CLSTN2: variants seen among roughly 807,000 people sequenced by gnomAD.
CLSTN2 encodes the protein calsyntenin-2.
In CLSTN2, 48 loss-of-function variants were observed where a neutral mutation model predicts 101.2. That is an observed-to-expected ratio of 0.47 (90% confidence interval 0.38 to 0.60). The LOEUF is 0.60. Ranked by LOEUF, CLSTN2 falls within the 20% of genes least tolerant of loss-of-function variation. The pLI is 0.00. For synonymous variants in CLSTN2, 481 were observed against 463.6 expected (o/e 1.04, Z -0.48); for missense variants, 1,160 against 1,238.2 (o/e 0.94, Z 0.95).
chr3:140,448,383 C>T, intron 5 of CLSTN2, 136 bp from the exon 6 acceptor site: 1 of 734,892 alleles, frequency 1.4e-6, no homozygotes, highest in East Asian at 2.7e-5. Context: ...TGCCATTATT[C>T]TCAAACTGTT....
intron 1 of CLSTN2, among the ~76,000 whole-genome samples, chr3:140,088,302 G>A (rs1018196191): frequency 4.6e-5 from 7 of 152,178 alleles, no homozygotes; most frequent in African/African-American, 1.7e-4. Context: ...GATTTGTTCT[G>A]ATAATGGCCA....
chr3:140,576,367 C>CG lies in CLSTN2; in HGVS notation c.*10115dup, dbSNP rs1443288670. 1 of 152,202 alleles carries CG rather than the reference C, an allele frequency of 6.6e-6. No individual in the cohort carries two copies. Among genetic ancestry groups the CG allele is most frequent in the African/African-American group, 2.4e-5 (1 of 41,450 alleles). 9.4% of individuals were successfully genotyped at this position (152,202 alleles called of 1,614,324 possible). A position where few individuals can be genotyped will look rare whatever the true frequency, so the allele number is the denominator to read the frequency against. On this transcript the variant is annotated 3_prime_UTR_variant, in exon 17 of 17. Transcript: ENST00000458420. ...CTTGTCTCTACTATTGTCTCTACACCGTTGCCCAAACACTTGGTATAATGC... is the reference window on the plus strand; with the variant it reads ...CTTGTCTCTACTATTGTCTCTACACCGGTTGCCCAAACACTTGGTATAATGC...
intron 1 of CLSTN2, among the ~76,000 whole-genome samples, chr3:140,009,729 G>A (rs764260128): frequency 2.6e-5 from 4 of 152,148 alleles, no homozygotes; most frequent in Non-Finnish European, 5.9e-5. Context: ...AAAAGTTCTT[G>A]TAAATATTTC....
chr3:140,098,072 C>CA (rs892247290), intron 1 of CLSTN2, among the ~76,000 whole-genome samples: 8 of 151,986 alleles, frequency 5.3e-5, no homozygotes, highest in Admixed American at 5.2e-4. Context: ...GCATAACAGC[C>CA]AAAAATGGTG....
chr3:140,102,538 C>G (rs1439063943), intron 1 of CLSTN2, among the ~76,000 whole-genome samples: 1 of 152,236 alleles, frequency 6.6e-6, no homozygotes, highest in Non-Finnish European at 1.5e-5. Flanking sequence ...GAAGGTCCTA[C>G]TGTGGGTTGC....
chr3:140,160,961 G>C (rs2010036777), intron 1 of CLSTN2, among the ~76,000 whole-genome samples: 1 of 152,152 alleles, frequency 6.6e-6, no homozygotes. Context: ...CTGTGTGTCA[G>C]TCTTTGCTCA....
chr3:140,039,143 C>T (rs977882361), intron 1 of CLSTN2, among the ~76,000 whole-genome samples: 2 of 152,064 alleles, frequency 1.3e-5, no homozygotes, highest in African/African-American at 4.8e-5. Context: ...TTATTTAATC[C>T]ATTTCTTTTA....
intron 8 of CLSTN2, among the ~76,000 whole-genome samples, chr3:140,504,072 C>T (rs1934636235): frequency 6.6e-6 from 1 of 152,194 alleles, no homozygotes; most frequent in South Asian, 2.1e-4. Flanking sequence ...AGTCTGAGCA[C>T]CTCATCCACT....
At chr3:140,493,526 T>G (rs1934391413) in intron 8 of CLSTN2, among the ~76,000 whole-genome samples, 1 of 152,220 alleles carries the variant, frequency 6.6e-6, no homozygotes, top group Non-Finnish European at 1.5e-5. Flanking sequence ...GCACCTACTG[T>G]GTATACCTAC....
rs1190432159 is a variant in CLSTN2, at chr3:140,171,638, TTA to T, written c.110-4306_110-4305del. On this transcript the variant is annotated intron_variant, in intron 1 of 16. Transcript: ENST00000458420. ...TATATTATATAATATGTATTATATATTATATATAATACGTATTATATATTATA... is the reference window on the plus strand; with the variant it reads ...TATATTATATAATATGTATTATATATTATATAATACGTATTATATATTATA... Among the ~76,000 whole-genome samples the T allele has an allele frequency of 6.7e-4, 79 of 117,662 alleles. 2 individuals are homozygous for T. The East Asian group carries it at 0.013, about 20-fold the overall frequency. The allele number at this position is 117,662 out of a possible 152,430, so 77.2% of individuals were successfully genotyped here.
intron 1 of CLSTN2, among the ~76,000 whole-genome samples, chr3:139,974,329 AC>A (rs764445008): frequency 5.4e-4 from 83 of 152,314 alleles, no homozygotes; most frequent in Admixed American, 2.5e-3. Flanking sequence ...CCTGGACTCA[AC>A]CAAGACATGT....
intron 1 of CLSTN2, among the ~76,000 whole-genome samples, chr3:139,983,542 A>T (rs1184687491): frequency 6.6e-6 from 1 of 152,176 alleles, no homozygotes; most frequent in Non-Finnish European, 1.5e-5. Context: ...AACTTTGGAG[A>T]TAGGAGGGAT....
chr3:140,330,611 A>T (rs4413284), intron 2 of CLSTN2, among the ~76,000 whole-genome samples: 7,227 of 152,238 alleles, frequency 0.047, 566 homozygotes, highest in African/African-American at 0.16. Context: ...TCCAAGTACT[A>T]GTCTCAGGCT....
intron 2 of CLSTN2, among the ~76,000 whole-genome samples, chr3:140,320,328 G>A (rs1351122156): frequency 4.6e-5 from 7 of 152,148 alleles, no homozygotes; most frequent in South Asian, 2.1e-4. Flanking sequence ...AGGAAAGTTA[G>A]GAAAGGGAGT....
chr3:140,459,732 C>G lies in CLSTN2; in HGVS notation c.1185C>G (p.Ala395=). The stretch of plus-strand genomic sequence containing the variant: ...ACGGCCCCAGCCCTGGTGTGAGAGC[C>G]GAGAAGGAAACCATCCTCTGCAACT... ...MKHGPSPGVR[A]EKETILCNSD... is the part of the protein sequence containing the mutation. The change falls in exon 7 of 17, where the codon GCC becomes GCG. Residue 395 remains alanine, a synonymous_variant. Coordinates refer to ENST00000458420, the MANE Select transcript of CLSTN2 (RefSeq NM_022131.3). The G allele has an allele frequency of 6.2e-7, 1 of 1,614,086 alleles. No homozygotes were observed.
chr3:140,394,312 A>C (rs2088155167), intron 2 of CLSTN2, among the ~76,000 whole-genome samples: 1 of 152,146 alleles, frequency 6.6e-6, no homozygotes. Flanking sequence ...AAGAGTTGGG[A>C]TTTGAATCCA....
intron 5 of CLSTN2, among the ~76,000 whole-genome samples, chr3:140,429,721 C>T (rs2088609101): frequency 6.6e-6 from 1 of 152,130 alleles, no homozygotes; most frequent in South Asian, 2.1e-4. Context: ...ATGATTATTT[C>T]TGAGTGCACT....
intron 1 of CLSTN2, among the ~76,000 whole-genome samples, chr3:140,036,072 A>G (rs2007646786): frequency 6.6e-6 from 1 of 152,116 alleles, no homozygotes; most frequent in Admixed American, 6.5e-5. Flanking sequence ...CTGTGTCTTT[A>G]TCTGATTAGA....
chr3:139,979,652 T>C (rs1005671910), intron 1 of CLSTN2, among the ~76,000 whole-genome samples: 6 of 152,204 alleles, frequency 3.9e-5, no homozygotes, highest in Admixed American at 6.5e-5. Context: ...TTTTGGAAAA[T>C]GTCATTCTCT....
Sources: allele counts gnomAD v4.1 joint callset (sites outside exome capture counted in the v4.1 genomes callset), GRCh38; gene constraint gnomAD v4.1.1; transcripts MANE v1.5; gene names NCBI Gene and HGNC (gene_info 2026-07-23, HGNC 2026-07-21).